Variants in TRPC6 observed in about 807,000 individuals in gnomAD.
TRPC6 encodes the protein transient receptor potential cation channel subfamily C member 6, also known as short transient receptor potential channel 6.
Under a neutral mutation model 90.7 loss-of-function variants are expected in TRPC6, and 55 were observed. That is an observed-to-expected ratio of 0.61 (90% CI 0.49 to 0.76). The LOEUF (loss-of-function observed/expected upper bound fraction) is 0.76, where lower values mean the gene tolerates loss of function less well. Ranked by LOEUF, TRPC6 falls within the 30% of genes least tolerant of loss-of-function variation. The pLI is 0.00. For synonymous variants in TRPC6, 393 were observed against 393.0 expected, an observed-to-expected ratio of 1.00 and a Z score of 0.00; for missense variants, 989 against 1,122.7, an observed-to-expected ratio of 0.88 and a Z score of 1.70.
At chr11:101,579,407 C>T (rs1340913363) in intron 1 of TRPC6, among the ~76,000 whole-genome samples, 1 of 152,134 alleles carries the variant, frequency 6.6e-6, no homozygotes, top group African/African-American at 2.4e-5. Flanking sequence ...TACTGCATGT[C>T]TTATATCTAC....
rs1175967739 is a variant in TRPC6 at position 101,504,741 on chromosome 11, C to T, written c.228G>A (p.Gly76=). Residue 76 remains glycine (G), a synonymous_variant, in exon 2 of 13, where the codon GGG becomes GGA. Coordinates refer to ENST00000344327, the MANE Select transcript of TRPC6 (RefSeq NM_004621.6). ...HRRQTVLREK[G]RRLANRGPAY... is the part of the protein sequence containing the mutation. ...CTGGTCCTCGATTAGCTAACCTTCT[C>T]CCCTTCTCACGGAGAACTGTCTGCC... The T allele has an allele frequency of 3.7e-6, 6 of 1,601,856 alleles. No homozygotes were observed. The highest frequency in any genetic ancestry group is 4.3e-6 in the Non-Finnish European group (5 of 1,174,076).
At chr11:101,549,634 G>T (rs930214576) in intron 1 of TRPC6, among the ~76,000 whole-genome samples, 1 of 148,720 alleles carries the variant, frequency 6.7e-6, no homozygotes, top group Non-Finnish European at 1.5e-5. Context: ...AAAATTGAGA[G>T]AAAAACTGAC....
chr11:101,504,108 T>C lies in TRPC6; in HGVS notation c.861A>G (p.Ser287=). ...YKGLASPAYL[S]LSSEDPVMTA... ...TCATGACTGGATCTTCACTAGACAATGACAGGTAAGCCGGACTTGCCAGGC... is the reference window on the plus strand; with the variant it reads ...TCATGACTGGATCTTCACTAGACAACGACAGGTAAGCCGGACTTGCCAGGC... Residue 287 remains serine (S), a synonymous_variant, in exon 2 of 13, where the codon TCA becomes TCG. Coordinates refer to ENST00000344327, the MANE Select transcript of TRPC6 (RefSeq NM_004621.6). The C allele has an allele frequency of 1.9e-6, 3 of 1,614,070 alleles. No homozygotes were observed. The highest frequency in any genetic ancestry group is 3.3e-4 in the Middle Eastern group (2 of 6,062).
At chr11:101,580,771 A>G (rs1862180028) in intron 1 of TRPC6, among the ~76,000 whole-genome samples, 1 of 152,218 alleles carries the variant, frequency 6.6e-6, no homozygotes, top group African/African-American at 2.4e-5. Context: ...ATGATTTGAG[A>G]AATGGCAATA....
intron 5 of TRPC6, among the ~76,000 whole-genome samples, chr11:101,479,335 A>G (rs1272419351): frequency 6.6e-6 from 1 of 152,122 alleles, no homozygotes; most frequent in Non-Finnish European, 1.5e-5. Context: ...AAGTGCTCCT[A>G]AGGCCCTTTT....
chr11:101,469,300 A>T (rs1859229356), intron 10 of TRPC6, 127 bp downstream of exon 10: 2 of 647,732 alleles, frequency 3.1e-6, no homozygotes, highest in Admixed American at 5.1e-5. Context: ...GAGATTTGTT[A>T]AAATAGTTGA....
At chr11:101,540,009 AT>A (rs1861134287) in intron 1 of TRPC6, among the ~76,000 whole-genome samples, 1 of 152,230 alleles carries the variant, frequency 6.6e-6, no homozygotes, top group South Asian at 2.1e-4. Context: ...ATACTAAATC[AT>A]TTTTTAAACC....
intron 2 of TRPC6, among the ~76,000 whole-genome samples, chr11:101,497,602 G>C (rs965382874): frequency 6.6e-6 from 1 of 152,166 alleles, no homozygotes; most frequent in Admixed American, 6.5e-5. Context: ...CCTCTAGGAA[G>C]ATGTAAAGGA....
chr11:101,513,667 A>C (rs536059002), intron 1 of TRPC6, among the ~76,000 whole-genome samples: 10 of 152,278 alleles, frequency 6.6e-5, no homozygotes, highest in Admixed American at 4.6e-4. Context: ...TCCCTTCTTT[A>C]AGCTGTCAAG....
intron 1 of TRPC6, among the ~76,000 whole-genome samples, chr11:101,576,798 T>C (rs987511568): frequency 2.0e-5 from 3 of 152,160 alleles, no homozygotes; most frequent in Admixed American, 2.0e-4. Flanking sequence ...ATAAACTGTC[T>C]AGAGAAAAAA....
At chr11:101,561,669 T>C (rs1191622819) in intron 1 of TRPC6, among the ~76,000 whole-genome samples, 3 of 151,950 alleles carry the variant, frequency 2.0e-5, no homozygotes, top group Non-Finnish European at 2.9e-5. Flanking sequence ...TCAGGAAACA[T>C]ATGAGAGGGC....
At chr11:101,558,280 T>TAC (rs1472327904) in intron 1 of TRPC6, among the ~76,000 whole-genome samples, 9 of 125,650 alleles carry the variant, frequency 7.2e-5, no homozygotes, top group African/African-American at 2.7e-4. Context: ...TATACATGTA[T>TAC]ATATGTATAC....
intron 1 of TRPC6, among the ~76,000 whole-genome samples, chr11:101,534,710 G>C (rs940654127): frequency 6.6e-6 from 1 of 152,136 alleles, no homozygotes; most frequent in Admixed American, 6.6e-5. Flanking sequence ...CATTTAGCAA[G>C]AGATGGTTCA....
chr11:101,465,079 T>G (rs1859110149), intron 10 of TRPC6, among the ~76,000 whole-genome samples: 1 of 152,234 alleles, frequency 6.6e-6, no homozygotes, highest in South Asian at 2.1e-4. Context: ...AATTCTGGGT[T>G]GCAAATTATT....
At chr11:101,536,480 C>T (rs1179584033) in intron 1 of TRPC6, among the ~76,000 whole-genome samples, 1 of 147,546 alleles carries the variant, frequency 6.8e-6, no homozygotes, top group Non-Finnish European at 1.5e-5. Context: ...GAATGTGATA[C>T]ACTCGCAGGT....
chr11:101,500,772 A>G (rs6590870), intron 2 of TRPC6, among the ~76,000 whole-genome samples: 71,342 of 151,918 alleles, frequency 0.47, 17,232 homozygotes, highest in African/African-American at 0.58. Context: ...AATCACATTT[A>G]TGAAGGAAAT....
At chr11:101,499,586 G>T in intron 2 of TRPC6, among the ~76,000 whole-genome samples, 1 of 45,608 alleles carries the variant, frequency 2.2e-5, no homozygotes, top group African/African-American at 1.2e-4. Context: ...GTATATATAC[G>T]TATATATATA....
intron 1 of TRPC6, among the ~76,000 whole-genome samples, chr11:101,548,476 A>ATATATCTCTC (rs1555011220): frequency 8.9e-6 from 1 of 112,142 alleles, no homozygotes; most frequent in African/African-American, 3.6e-5. Flanking sequence ...ATATATATAT[A>ATATATCTCTC]TCTCTCTCTC....
At chr11:101,547,855 T>C (rs1482151644) in intron 1 of TRPC6, among the ~76,000 whole-genome samples, 1 of 152,128 alleles carries the variant, frequency 6.6e-6, no homozygotes, top group East Asian at 1.9e-4. Context: ...CTCCTACTCA[T>C]TAATTCTCAA....
Sources: allele counts gnomAD v4.1 joint callset (sites outside exome capture counted in the v4.1 genomes callset), GRCh38; gene constraint gnomAD v4.1.1; transcripts MANE v1.5; gene names NCBI Gene and HGNC (gene_info 2026-07-23, HGNC 2026-07-21).